PRKN: variants seen among roughly 807,000 people sequenced by gnomAD.
PRKN encodes parkin RBR E3 ubiquitin protein ligase.
PRKN carries 56 observed loss-of-function variants against 59.5 expected under a neutral mutation model. The ratio of observed to expected loss-of-function variants is 0.94; its 90% CI spans 0.76 to 1.18. The LOEUF is 1.18. Among genes scored for constraint, PRKN ranks in the 50% most tolerant of loss-of-function variants. The pLI, the probability that PRKN is intolerant of heterozygous loss-of-function variation, is 0.00. For missense variants in PRKN, 657 were observed against 596.4 expected, an observed-to-expected ratio of 1.10 and a Z score of -1.06; for synonymous variants, 250 against 222.1, an observed-to-expected ratio of 1.13 and a Z score of -1.12.
intron 1 of PRKN, among the ~76,000 whole-genome samples, chr6:162,685,708 T>G (rs1021997487): frequency 6.6e-6 from 1 of 152,194 alleles, no homozygotes; most frequent in Non-Finnish European, 1.5e-5. Context: ...TACCAAAATC[T>G]ATATTTCTAG....
intron 6 of PRKN, among the ~76,000 whole-genome samples, chr6:161,833,204 A>T (rs933826552): frequency 5.3e-5 from 8 of 152,058 alleles, no homozygotes; most frequent in Non-Finnish European, 1.2e-4. Context: ...AAAATGTCTT[A>T]TAAAGCCAGG....
intron 7 of PRKN, among the ~76,000 whole-genome samples, chr6:161,632,562 G>C (rs1458046047): frequency 6.6e-6 from 1 of 152,138 alleles, no homozygotes; most frequent in Non-Finnish European, 1.5e-5. Context: ...AAATCCAGTT[G>C]TCTGAAAAAT....
intron 7 of PRKN, among the ~76,000 whole-genome samples, chr6:161,715,123 A>G (rs1409552782): frequency 1.3e-5 from 2 of 152,228 alleles, no homozygotes; most frequent in South Asian, 2.1e-4. Flanking sequence ...CTGGGTTTTT[A>G]TAACGAAAAT....
intron 1 of PRKN, among the ~76,000 whole-genome samples, chr6:162,653,330 GTGTT>G (rs1435355641): frequency 7.4e-5 from 9 of 121,470 alleles, no homozygotes; most frequent in Admixed American, 1.7e-4. Context: ...GTGTGTGTGT[GTGTT>G]TGTGTGCGTG....
intron 7 of PRKN, among the ~76,000 whole-genome samples, chr6:161,645,078 T>C (rs190296125): frequency 1.3e-3 from 198 of 152,252 alleles, no homozygotes; most frequent in African/African-American, 4.6e-3. Context: ...AATTCAAAGA[T>C]GGGAAGCCAA....
rs1784454647 is a variant in PRKN at position 161,349,998 on chromosome 6, G to A, written c.*101C>T. On this transcript the variant is annotated 3_prime_UTR_variant, in exon 12 of 12. Coordinates refer to ENST00000366898, the MANE Select transcript of PRKN (RefSeq NM_004562.3). The surrounding 1 kb of genome is among the most constrained non-coding windows in gnomAD (Gnocchi z 5.5). The stretch of plus-strand genomic sequence containing the variant: ...AAACTTGAAGAGTGTGTGTGCGCGC[G>A]CGCGCGTGTGTGTGTGTGTTTGAAA... 1 of 808,788 alleles carries A rather than the reference G, an allele frequency of 1.2e-6. No homozygotes were observed. The highest frequency in any genetic ancestry group is 1.4e-5 in the South Asian group (1 of 69,866). The allele number at this position is 808,788 out of a possible 1,614,324, so 50.1% of individuals were successfully genotyped here.
chr6:162,023,690 C>T (rs1366872759), intron 5 of PRKN, among the ~76,000 whole-genome samples: 1 of 151,976 alleles, frequency 6.6e-6, no homozygotes, highest in East Asian at 1.9e-4. Context: ...GGGGGTGTGG[C>T]GGACCAGGGT....
At chr6:161,871,173 T>C (rs1188071644) in intron 6 of PRKN, among the ~76,000 whole-genome samples, 1 of 152,152 alleles carries the variant, frequency 6.6e-6, no homozygotes, top group Non-Finnish European at 1.5e-5. Flanking sequence ...CTATGAGTTT[T>C]CCTGGGAGCT....
intron 5 of PRKN, among the ~76,000 whole-genome samples, chr6:161,979,161 T>G (rs960623515): frequency 2.6e-5 from 4 of 151,072 alleles, no homozygotes; most frequent in Non-Finnish European, 4.4e-5. Context: ...CAGTTTTTTG[T>G]TTTTGTTTTT....
chr6:162,663,201 G>A (rs1778961671), intron 1 of PRKN, among the ~76,000 whole-genome samples: 1 of 152,138 alleles, frequency 6.6e-6, no homozygotes, highest in African/African-American at 2.4e-5. Context: ...TAGTTCACAT[G>A]GATTAATTCT....
intron 5 of PRKN, among the ~76,000 whole-genome samples, chr6:162,023,988 G>A (rs1012918459): frequency 3.3e-5 from 5 of 152,000 alleles, no homozygotes; most frequent in Non-Finnish European, 7.4e-5. Context: ...CTCTTTTTTG[G>A]TTCCATATCA....
intron 4 of PRKN, among the ~76,000 whole-genome samples, chr6:162,191,696 G>T (rs2128326955): frequency 6.6e-6 from 1 of 152,284 alleles, no homozygotes; most frequent in East Asian, 1.9e-4. Flanking sequence ...ACCGACCTCG[G>T]CCTCCCAAAG....
Position 162,022,298 on chromosome 6 carries a change from CCCA to C in PRKN, c.618+31790_618+31792del, listed in dbSNP as rs1362847316. 4.6e-5 allele frequency among the ~76,000 whole-genome samples: 7 copies of C among 152,216 alleles called. No individual in the cohort carries two copies. The South Asian group carries it at 1.2e-3, about 27-fold the overall frequency. On this transcript the variant is annotated intron_variant, in intron 5 of 11. Transcript: ENST00000366898. ...CATAGAGGTTGTGCTAATTTACACG[CCCA>C]CCAACAGTGTATAAGCACTCCCTTT...
chr6:162,484,207 T>C (rs1051987925), intron 1 of PRKN, among the ~76,000 whole-genome samples: 2 of 152,200 alleles, frequency 1.3e-5, no homozygotes, highest in East Asian at 1.9e-4. Flanking sequence ...ATTTGAATCA[T>C]GTAAATATAT....
chr6:161,706,082 C>T (rs1786479142), intron 7 of PRKN, among the ~76,000 whole-genome samples: 1 of 151,910 alleles, frequency 6.6e-6, no homozygotes, highest in Non-Finnish European at 1.5e-5. Context: ...CACATTGCAG[C>T]CCACTTTCAT....
At chr6:161,849,974 A>G (rs6922039) in intron 6 of PRKN, among the ~76,000 whole-genome samples, 65,755 of 151,700 alleles carry the variant, frequency 0.43, 14,510 homozygotes, top group East Asian at 0.69. Flanking sequence ...AGCCCAGCCC[A>G]GCACAGTCCC....
At chr6:161,681,443 C>T (rs552575960) in intron 7 of PRKN, among the ~76,000 whole-genome samples, 2 of 151,476 alleles carry the variant, frequency 1.3e-5, no homozygotes, top group Non-Finnish European at 2.9e-5. Flanking sequence ...TTTAAAGAGT[C>T]CAAGTAAATC....
At chr6:161,758,068 ATGATACCAAGTGT>A (rs1441145125) in intron 7 of PRKN, among the ~76,000 whole-genome samples, 2 of 151,466 alleles carry the variant, frequency 1.3e-5, no homozygotes, top group African/African-American at 4.9e-5. Context: ...TAAAAGATTG[ATGATACCAAGTGT>A]TGAGTAGGAA....
At chr6:162,516,071 G>A (rs1177087253) in intron 1 of PRKN, among the ~76,000 whole-genome samples, 3 of 152,202 alleles carry the variant, frequency 2.0e-5, no homozygotes, top group Non-Finnish European at 4.4e-5. Context: ...CTGTGCCTGA[G>A]GGCAGCCCTC....
Sources: allele counts gnomAD v4.1 joint callset (sites outside exome capture counted in the v4.1 genomes callset), GRCh38; gene constraint gnomAD v4.1.1; non-coding constraint Gnocchi (gnomAD v3.1); transcripts MANE v1.5; gene names NCBI Gene and HGNC (gene_info 2026-07-23, HGNC 2026-07-21).